The following GPC5 variants were observed in gnomAD, a reference collection of about 807,000 sequenced individuals.
GPC5 encodes the protein glypican-5.
GPC5 carries 47 observed loss-of-function variants against 53.9 expected under a neutral mutation model. That is an observed-to-expected ratio of 0.87 (90% CI 0.69 to 1.11). The LOEUF (loss-of-function observed/expected upper bound fraction) is 1.11. Ranked by LOEUF, GPC5 falls within the 50% of genes most tolerant of loss-of-function variation. The pLI is 0.00. For synonymous variants in GPC5, 286 were observed against 263.3 expected, an observed-to-expected ratio of 1.09 and a Z score of -0.84; for missense variants, 748 against 713.1, an observed-to-expected ratio of 1.05 and a Z score of -0.56.
At chr13:91,858,005 A>C (rs1025154926) in intron 5 of GPC5, among the ~76,000 whole-genome samples, 10 of 151,618 alleles carry the variant, frequency 6.6e-5, no homozygotes, top group Non-Finnish European at 1.3e-4. Flanking sequence ...GTGTTACTAG[A>C]ATTTATTTGC....
chr13:91,674,544 TATATATGCGTATGTGTATATATAC>T (rs2035331089), intron 2 of GPC5, among the ~76,000 whole-genome samples: 1 of 119,780 alleles, frequency 8.3e-6, no homozygotes, highest in African/African-American at 3.7e-5. Context: ...TATATACGCA[TATATATGCGTATGTGTATATATAC>T]GCATATATAT....
chr13:92,378,971 T>C (rs1251656012), intron 7 of GPC5, among the ~76,000 whole-genome samples: 1 of 152,202 alleles, frequency 6.6e-6, no homozygotes, highest in East Asian at 1.9e-4. Context: ...ACATCAGCCA[T>C]ATGATATGCA....
chr13:92,339,228 C>T (rs2043346658), intron 7 of GPC5, among the ~76,000 whole-genome samples: 1 of 151,430 alleles, frequency 6.6e-6, no homozygotes, highest in African/African-American at 2.4e-5. Flanking sequence ...TTACAGCATT[C>T]TCTTTTTCCA....
At position 91,608,767 on chromosome 13, in the gene GPC5, T is replaced by A. The variant is rs1018250056; in HGVS notation, c.326-84420T>A. Among the ~76,000 whole-genome samples the A allele has an allele frequency of 9.9e-5, 15 of 152,088 alleles. No individual in the cohort carries two copies. In the East Asian group the frequency reaches 2.7e-3, roughly 28 times the overall value. ...GAGAACCAATATTTGCTCATTTAAA[T>A]TATATTTAGTTTTGTGTAATAAGAT... On this transcript the variant is annotated intron_variant, in intron 2 of 7. Coordinates refer to ENST00000377067, the MANE Select transcript of GPC5 (RefSeq NM_004466.6).
chr13:91,668,484 G>A (rs1328111769), intron 2 of GPC5, among the ~76,000 whole-genome samples: 2 of 152,062 alleles, frequency 1.3e-5, no homozygotes, highest in African/African-American at 4.8e-5. Context: ...TACAGTTGCT[G>A]GAATATTTGA....
chr13:91,732,586 A>T (rs1286544646), intron 4 of GPC5, among the ~76,000 whole-genome samples: 2 of 151,956 alleles, frequency 1.3e-5, no homozygotes, highest in Non-Finnish European at 2.9e-5. Context: ...TTTTATCATG[A>T]TGTCTTTGGC....
chr13:92,555,883 G>T (rs902373045), intron 7 of GPC5, among the ~76,000 whole-genome samples: 1 of 151,198 alleles, frequency 6.6e-6, no homozygotes, highest in African/African-American at 2.4e-5. Flanking sequence ...TTAGAGTGCA[G>T]CCAAGAAGAA....
chr13:92,760,526 C>G (rs189045715), intron 7 of GPC5, among the ~76,000 whole-genome samples: 1 of 151,788 alleles, frequency 6.6e-6, no homozygotes, highest in East Asian at 1.9e-4. Flanking sequence ...GTGTCTCCAC[C>G]TTCATTTCTG....
intron 5 of GPC5, among the ~76,000 whole-genome samples, chr13:91,900,113 T>A (rs2039482958): frequency 6.6e-6 from 1 of 152,176 alleles, no homozygotes; most frequent in Non-Finnish European, 1.5e-5. Flanking sequence ...AGAAGCTTTT[T>A]AAATATGAAA....
At chr13:92,707,555 C>A (rs1320802481) in intron 7 of GPC5, among the ~76,000 whole-genome samples, 1 of 151,866 alleles carries the variant, frequency 6.6e-6, no homozygotes, top group Admixed American at 6.6e-5. Context: ...AAGCATGTTA[C>A]TAAGTTTAAT....
chr13:92,329,745 C>T (rs954588427), intron 7 of GPC5, among the ~76,000 whole-genome samples: 2 of 152,052 alleles, frequency 1.3e-5, no homozygotes, highest in African/African-American at 4.8e-5. Context: ...TTTTCAATGG[C>T]AAGAAAACCA....
intron 7 of GPC5, among the ~76,000 whole-genome samples, chr13:92,617,878 C>G (rs1884747579): frequency 6.6e-6 from 1 of 152,020 alleles, no homozygotes; most frequent in Admixed American, 6.6e-5. Flanking sequence ...GGTACATGTG[C>G]ACAACGTGCA....
intron 7 of GPC5, among the ~76,000 whole-genome samples, chr13:92,249,568 T>A (rs2042677330): frequency 6.6e-6 from 1 of 152,052 alleles, no homozygotes; most frequent in African/African-American, 2.4e-5. Flanking sequence ...TACTGTCACT[T>A]TTCTTTTCTT....
chr13:91,772,688 G>T (rs1338803857), intron 5 of GPC5, among the ~76,000 whole-genome samples: 1 of 152,130 alleles, frequency 6.6e-6, no homozygotes, highest in African/African-American at 2.4e-5. Flanking sequence ...TCCCGAAGGA[G>T]ACAAGGAAAA....
chr13:92,195,841 A>T (rs1466410350), intron 7 of GPC5, among the ~76,000 whole-genome samples: 1 of 152,138 alleles, frequency 6.6e-6, no homozygotes, highest in African/African-American at 2.4e-5. Flanking sequence ...GTTTTCACTG[A>T]TCTACCCATT....
intron 5 of GPC5, among the ~76,000 whole-genome samples, chr13:91,851,257 G>A (rs1413801804): frequency 1.3e-5 from 2 of 152,088 alleles, no homozygotes; most frequent in South Asian, 4.1e-4. Context: ...ACAATGGTAG[G>A]TATTTGTGTA....
At chr13:92,763,407 G>A (rs140913774) in intron 7 of GPC5, among the ~76,000 whole-genome samples, 62 of 152,272 alleles carry the variant, frequency 4.1e-4, no homozygotes, top group African/African-American at 1.5e-3. Flanking sequence ...GGTGGCCTAC[G>A]CTGCAGAAGT....
At chr13:91,551,976 G>A (rs1186852092) in intron 2 of GPC5, among the ~76,000 whole-genome samples, 2 of 151,982 alleles carry the variant, frequency 1.3e-5, no homozygotes, top group Non-Finnish European at 2.9e-5. Context: ...ACTAATACAT[G>A]AAGCCTAAAG....
chr13:92,712,992 A>C (rs1043924763), intron 7 of GPC5, among the ~76,000 whole-genome samples: 2 of 151,966 alleles, frequency 1.3e-5, no homozygotes, highest in Non-Finnish European at 2.9e-5. Flanking sequence ...ACCTGTGAGA[A>C]TTTTTTTTAA....
Sources: allele counts gnomAD v4.1 joint callset (sites outside exome capture counted in the v4.1 genomes callset), GRCh38; gene constraint gnomAD v4.1.1; transcripts MANE v1.5; gene names NCBI Gene and HGNC (gene_info 2026-07-23, HGNC 2026-07-21).